Variants in ZNF385D observed in about 807,000 individuals in gnomAD.
The protein encoded by ZNF385D is zinc finger protein 659.
Under a neutral mutation model 35.8 loss-of-function variants are expected in ZNF385D, and 15 were observed. That is an observed-to-expected ratio of 0.42 (90% confidence interval 0.28 to 0.64). The LOEUF is 0.64. Among genes scored for constraint, ZNF385D ranks in the 30% least tolerant of loss-of-function variants. ZNF385D has a pLI of 0.23. For synonymous variants in ZNF385D, 212 were observed against 186.8 expected (o/e 1.13, Z -1.10); for missense variants, 474 against 494.6 (o/e 0.96, Z 0.39).
intron 3 of ZNF385D, among the ~76,000 whole-genome samples, chr3:22,087,166 G>A (rs1039885056): frequency 6.6e-6 from 1 of 152,082 alleles, no homozygotes; most frequent in Admixed American, 6.5e-5. Flanking sequence ...ATTATTTGAT[G>A]TCACAAATTA....
intron 3 of ZNF385D, among the ~76,000 whole-genome samples, chr3:22,058,860 T>C (rs1311100547): frequency 6.6e-6 from 1 of 152,228 alleles, no homozygotes; most frequent in Non-Finnish European, 1.5e-5. Context: ...TGGTGGTTAG[T>C]GGGGACCACT....
intron 3 of ZNF385D, among the ~76,000 whole-genome samples, chr3:21,828,437 TG>T (rs1251129029): frequency 6.6e-6 from 1 of 152,032 alleles, no homozygotes; most frequent in Non-Finnish European, 1.5e-5. Context: ...ACAAAAGAAA[TG>T]GGGGGAGGGG....
At chr3:21,567,776 C>T (rs887979193) in intron 2 of ZNF385D, among the ~76,000 whole-genome samples, 1 of 152,096 alleles carries the variant, frequency 6.6e-6, no homozygotes, top group Non-Finnish European at 1.5e-5. Context: ...AAGAAAGATG[C>T]TCTCCGAAAA....
chr3:22,088,296 AG>A (rs1179799151), intron 3 of ZNF385D, among the ~76,000 whole-genome samples: 1 of 152,200 alleles, frequency 6.6e-6, no homozygotes, highest in Non-Finnish European at 1.5e-5. Context: ...AAAACATGAG[AG>A]GGCTCTAAAT....
chr3:21,961,805 G>A (rs1232436689), intron 3 of ZNF385D, among the ~76,000 whole-genome samples: 1 of 152,090 alleles, frequency 6.6e-6, no homozygotes, highest in Non-Finnish European at 1.5e-5. Context: ...GTGGGAGAGT[G>A]CACTGGATGG....
intron 1 of ZNF385D, among the ~76,000 whole-genome samples, chr3:21,677,193 AT>A (rs2066756170): frequency 6.6e-6 from 1 of 152,084 alleles, no homozygotes. Context: ...AGTGGAGATA[AT>A]GAGCATTAAA....
intron 3 of ZNF385D, among the ~76,000 whole-genome samples, chr3:21,820,430 C>T (rs1297593570): frequency 6.6e-6 from 1 of 151,726 alleles, no homozygotes; most frequent in Non-Finnish European, 1.5e-5. Context: ...GCAAATACTT[C>T]ATAGCAATAG....
intron 3 of ZNF385D, among the ~76,000 whole-genome samples, chr3:22,032,641 C>A (rs1698072336): frequency 6.6e-6 from 1 of 152,114 alleles, no homozygotes; most frequent in African/African-American, 2.4e-5. Flanking sequence ...TAACATAGAT[C>A]TGGCAAATTA....
At chr3:21,610,367 A>G (rs1236249131) in intron 2 of ZNF385D, among the ~76,000 whole-genome samples, 5 of 152,214 alleles carry the variant, frequency 3.3e-5, no homozygotes, top group Admixed American at 1.3e-4. Context: ...TGTACCTGGC[A>G]TAGATATGAG....
chr3:22,191,200 C>T (rs1403332311), intron 2 of ZNF385D, among the ~76,000 whole-genome samples: 1 of 150,092 alleles, frequency 6.7e-6, no homozygotes, highest in African/African-American at 2.4e-5. Context: ...CCTTATAAGA[C>T]AACTTTGCAG....
chr3:21,625,274 G>T (rs560250786), intron 2 of ZNF385D, among the ~76,000 whole-genome samples: 2 of 152,032 alleles, frequency 1.3e-5, no homozygotes, highest in African/African-American at 2.4e-5. Flanking sequence ...GGCATTTTAC[G>T]TGCTTTTGCC....
chr3:22,156,712 C>G (rs1289014370), intron 3 of ZNF385D, among the ~76,000 whole-genome samples: 1 of 152,090 alleles, frequency 6.6e-6, no homozygotes, highest in Non-Finnish European at 1.5e-5. Flanking sequence ...CTTCCTCACC[C>G]TTTTTCCCTT....
intron 2 of ZNF385D, among the ~76,000 whole-genome samples, chr3:22,310,847 ACTT>A (rs1703499697): frequency 6.6e-6 from 1 of 151,746 alleles, no homozygotes; most frequent in Non-Finnish European, 1.5e-5. Context: ...TTTTTAATTA[ACTT>A]TTTTGATTTG....
intron 3 of ZNF385D, among the ~76,000 whole-genome samples, chr3:21,933,799 T>C (rs1353250286): frequency 6.6e-6 from 1 of 152,124 alleles, no homozygotes; most frequent in African/African-American, 2.4e-5. Flanking sequence ...CTAAACAACT[T>C]TTCTATCTCC....
At chr3:21,667,182 A>T (rs553941703) in intron 1 of ZNF385D, among the ~76,000 whole-genome samples, 1 of 152,302 alleles carries the variant, frequency 6.6e-6, no homozygotes, top group Non-Finnish European at 1.5e-5. Context: ...TGCTTTTGAG[A>T]CAGGATCTCA....
At chr3:21,763,416 G>T (rs956378506) in intron 3 of ZNF385D, among the ~76,000 whole-genome samples, 1 of 152,238 alleles carries the variant, frequency 6.6e-6, no homozygotes, top group Admixed American at 6.5e-5. Context: ...AAAGTGAAAA[G>T]TTTTCTAAAG....
chr3:21,620,810 C>T lies in ZNF385D; in HGVS notation c.165+44076G>A, dbSNP rs1227213035. Among the ~76,000 whole-genome samples, 6 of 152,208 alleles carry T rather than the reference C, an allele frequency of 3.9e-5. No individual in the cohort carries two copies. The South Asian group carries it at 1.0e-3, about 26-fold the overall frequency. ...TAAGAGGCATTTTCCACAACACTCT[C>T]GAGGCAGAATTGACAAGGCGCACGG... On this transcript the variant is annotated intron_variant, in intron 2 of 7. Transcript: ENST00000281523.
chr3:21,926,901 T>C (rs1700755684), intron 3 of ZNF385D, among the ~76,000 whole-genome samples: 1 of 152,168 alleles, frequency 6.6e-6, no homozygotes, highest in Admixed American at 6.5e-5. Flanking sequence ...AGTCTATCCC[T>C]CTGACAAAGG....
chr3:21,463,664 A>G (rs1437275540), intron 4 of ZNF385D, among the ~76,000 whole-genome samples: 1 of 152,176 alleles, frequency 6.6e-6, no homozygotes, highest in Non-Finnish European at 1.5e-5. Context: ...GCTGATGCCT[A>G]CAGATATGAA....
Sources: gnomAD v4.1 joint callset for allele counts (sites outside exome capture counted in the v4.1 genomes callset) on GRCh38, gnomAD v4.1.1 for gene constraint, MANE v1.5 for transcripts, NCBI Gene and HGNC (gene_info 2026-07-23, HGNC 2026-07-21) for gene names.